The following IAPP variants were observed in gnomAD, a reference collection of about 807,000 sequenced individuals.
IAPP encodes the protein Islet amyloid polypeptide (diabetes-associated peptide; amylin).
Under a neutral mutation model 2.9 loss-of-function variants are expected in IAPP, and 4 were observed. The observed-to-expected ratio is 1.39, with a 90% CI of 0.69 to 3.19. IAPP has a LOEUF of 3.19. Among genes scored for constraint, IAPP ranks in the 30% most tolerant of loss-of-function variants. The pLI, the probability that IAPP is intolerant of heterozygous loss-of-function variation, is 0.01. For missense variants in IAPP, 114 were observed against 105.3 expected (o/e 1.08, Z -0.36); for synonymous variants, 40 against 42.1 (o/e 0.95, Z 0.19).
At chr12:21,361,217 G>A (rs1201226804) in intron 1 of IAPP, among the ~76,000 whole-genome samples, 1 of 152,170 alleles carries the variant, frequency 6.6e-6, no homozygotes, top group Non-Finnish European at 1.5e-5. Flanking sequence ...AGCAACATCT[G>A]CTGTTCTGCA....
At chr12:21,369,395 C>T (rs1483689251), upstream of IAPP, among the ~76,000 whole-genome samples, 1 of 152,178 alleles carries the variant, frequency 6.6e-6, no homozygotes, top group Non-Finnish European at 1.5e-5. Flanking sequence ...TGTTTTTACT[C>T]TTGCCACCCT....
chr12:21,361,274 G>C (rs184569621), intron 1 of IAPP, among the ~76,000 whole-genome samples: 30 of 152,274 alleles, frequency 2.0e-4, no homozygotes, highest in African/African-American at 7.0e-4. Flanking sequence ...AGGCAAACAG[G>C]GTCTGGAGTG....
At chr12:21,373,262 A>C (rs1939931397) in intron 1 of IAPP, 75 bp from the exon 2 acceptor site, 1 of 923,180 alleles carries the variant, frequency 1.1e-6, no homozygotes. Flanking sequence ...TTTAAAAACT[A>C]AGCTCTAATT....
intron 1 of IAPP, among the ~76,000 whole-genome samples, chr12:21,363,560 G>A (rs1194395588): frequency 6.6e-6 from 1 of 152,116 alleles, no homozygotes; most frequent in East Asian, 1.9e-4. Context: ...CAGAACTGAA[G>A]TAGATAGAGA....
intron 1 of IAPP, among the ~76,000 whole-genome samples, chr12:21,360,964 G>A (rs545504124): frequency 1.2e-3 from 177 of 152,328 alleles, no homozygotes; most frequent in Non-Finnish European, 1.9e-3. Context: ...TAGGGGCAGG[G>A]CATAGCTGAA....
intron 1 of IAPP, among the ~76,000 whole-genome samples, chr12:21,358,464 A>C (rs904797856): frequency 2.0e-5 from 3 of 152,210 alleles, no homozygotes; most frequent in African/African-American, 7.2e-5. Flanking sequence ...CTATGTAGCA[A>C]CATTAAAAAT....
exon 1 of IAPP, chr12:21,355,007 T>G (rs1381909089): frequency 6.6e-6 from 1 of 152,148 alleles, no homozygotes; most frequent in Non-Finnish European, 1.5e-5. Flanking sequence ...TACATCTACA[T>G]TTCCAGGTAA....
At position 21,379,641 on chromosome 12, in the gene IAPP, T is replaced by G. The variant is rs1940461246; in HGVS notation, c.*1215T>G. Reference sequence around the variant, plus strand: ...TCAGATTCTTATGAATATCTGCTTTTCCCTGACTTTGAGTTAGGTAGCTTT... The same window carrying G: ...TCAGATTCTTATGAATATCTGCTTTGCCCTGACTTTGAGTTAGGTAGCTTT... On this transcript the variant is annotated 3_prime_UTR_variant, in exon 3 of 3. Transcript: ENST00000240652. 2 of 152,226 alleles carry G rather than the reference T, an allele frequency of 1.3e-5. No individual in the cohort carries two copies. Among genetic ancestry groups the G allele is most frequent in the South Asian group, 4.1e-4 (2 of 4,830 alleles). The allele number at this position is 152,226 out of a possible 1,614,324, so 9.4% of individuals were successfully genotyped here. A position where few individuals can be genotyped will look rare whatever the true frequency, so the allele number is the denominator to read the frequency against.
At chr12:21,363,688 G>T (rs1030750659) in intron 1 of IAPP, among the ~76,000 whole-genome samples, 4 of 152,098 alleles carry the variant, frequency 2.6e-5, no homozygotes, top group African/African-American at 9.7e-5. Flanking sequence ...GTGTCAAACA[G>T]AAGCAATAAA....
intron 1 of IAPP, among the ~76,000 whole-genome samples, chr12:21,355,281 A>G (rs530709501): frequency 1.3e-5 from 2 of 152,228 alleles, no homozygotes; most frequent in South Asian, 4.1e-4. Flanking sequence ...ACACATCACT[A>G]TTTCCTGAAG....
At chr12:21,366,177 A>T (rs966046670) in intron 1 of IAPP, among the ~76,000 whole-genome samples, 9 of 152,218 alleles carry the variant, frequency 5.9e-5, no homozygotes, top group Non-Finnish European at 1.2e-4. Context: ...AGACTGGATT[A>T]AGAAAATGTG....
In IAPP at chr12:21,378,353, G is replaced by C; in HGVS notation, c.197G>C (p.Gly66Ala). The stretch of plus-strand genomic sequence containing the variant: ...GCCATTCTCTCATCTACCAACGTGG[G>C]ATCCAATACATATGGCAAGAGGAAT... ...FGAILSSTNV[G>A]SNTYGKRNAV... The change falls in exon 3 of 3, where the codon GGA (glycine) becomes GCA (alanine). Residue 66 changes from glycine (G) to alanine (A), a missense_variant. Coordinates refer to ENST00000240652, the MANE Select transcript of IAPP (RefSeq NM_000415.3). The C allele has an allele frequency of 6.2e-7, 1 of 1,614,152 alleles. No homozygotes were observed. The highest frequency in any genetic ancestry group is 8.5e-7 in the Non-Finnish European group (1 of 1,180,004).
At chr12:21,362,639 G>T (rs1939010690) in intron 1 of IAPP, among the ~76,000 whole-genome samples, 1 of 152,142 alleles carries the variant, frequency 6.6e-6, no homozygotes, top group Admixed American at 6.5e-5. Flanking sequence ...ATCAGTGTGT[G>T]GTATTCAGGA....
intron 1 of IAPP, among the ~76,000 whole-genome samples, chr12:21,365,178 G>C (rs983239293): frequency 2.6e-5 from 4 of 152,128 alleles, no homozygotes; most frequent in Non-Finnish European, 4.4e-5. Context: ...AAAACAGCAT[G>C]GTACTGGTAC....
At chr12:21,355,009 T>G (rs1268914578) in exon 1 of IAPP, 14 of 152,070 alleles carry the variant, frequency 9.2e-5, no homozygotes. Context: ...CATCTACATT[T>G]CCAGGTAACT....
chr12:21,361,161 C>CA (rs34241344), intron 1 of IAPP, among the ~76,000 whole-genome samples: 49,100 of 151,946 alleles, frequency 0.32, 8,230 homozygotes, highest in East Asian at 0.46. Context: ...ACACCTCATA[C>CA]GGGGGATGCC....
chr12:21,366,307 C>T (rs1295885971), intron 1 of IAPP, among the ~76,000 whole-genome samples: 1 of 151,330 alleles, frequency 6.6e-6, no homozygotes, highest in Non-Finnish European at 1.5e-5. Context: ...GGACAAAAAA[C>T]CAAACACCAC....
At chr12:21,368,406 A>G (rs1939544229), upstream of IAPP, among the ~76,000 whole-genome samples, 1 of 152,180 alleles carries the variant, frequency 6.6e-6, no homozygotes, top group Non-Finnish European at 1.5e-5. Context: ...ATTGTAAATT[A>G]AAGAGTCACA....
intron 1 of IAPP, among the ~76,000 whole-genome samples, chr12:21,365,803 C>T (rs1939330333): frequency 6.6e-6 from 1 of 152,198 alleles, no homozygotes; most frequent in Non-Finnish European, 1.5e-5. Flanking sequence ...AAAAAATGCT[C>T]ATCATCACTG....
Sources: allele counts gnomAD v4.1 joint callset (sites outside exome capture counted in the v4.1 genomes callset), GRCh38; gene constraint gnomAD v4.1.1; transcripts MANE v1.5; gene names NCBI Gene and HGNC (gene_info 2026-07-23, HGNC 2026-07-21).